Variants in AP4E1 observed in about 807,000 individuals in gnomAD.
AP4E1 encodes adaptor related protein complex 4 subunit epsilon 1.
AP4E1 carries 56 observed loss-of-function variants against 128.2 expected under a neutral mutation model. The observed-to-expected ratio is 0.44, with a 90% CI of 0.35 to 0.55. The LOEUF (loss-of-function observed/expected upper bound fraction) is 0.55. Among genes scored for constraint, AP4E1 ranks in the 20% least tolerant of loss-of-function variants. AP4E1 has a pLI of 0.00. For synonymous variants in AP4E1, 484 were observed against 473.1 expected, an observed-to-expected ratio of 1.02 and a Z score of -0.30; for missense variants, 1,324 against 1,307.7, an observed-to-expected ratio of 1.01 and a Z score of -0.19.
At chr15:50,958,912 A>G in intron 14 of AP4E1, 118 bp downstream of exon 14, 4 of 1,105,818 alleles carry the variant, frequency 3.6e-6, no homozygotes, top group Non-Finnish European at 5.5e-6. Flanking sequence ...TTTAAGGTGA[A>G]TGTTGGAGTT....
At chr15:50,928,096 TATC>T (rs1374558864) in intron 5 of AP4E1, among the ~76,000 whole-genome samples, 1 of 152,182 alleles carries the variant, frequency 6.6e-6, no homozygotes, top group African/African-American at 2.4e-5. Context: ...TTCTCTTTAT[TATC>T]ATGAGGTTTT....
rs1298298759 is a variant in AP4E1 at position 51,004,492 on chromosome 15, C to T, written c.*1830C>T. ...GGACAGCTACCAGGGAGATCTGTTGCTTGGTTACAGGGTGTATTCATGAGT... is the reference window on the plus strand; with the variant it reads ...GGACAGCTACCAGGGAGATCTGTTGTTTGGTTACAGGGTGTATTCATGAGT... On this transcript the variant is annotated 3_prime_UTR_variant, in exon 21 of 21. Coordinates refer to ENST00000261842, the MANE Select transcript of AP4E1 (RefSeq NM_007347.5). The T allele has an allele frequency of 1.3e-5, 2 of 152,274 alleles. No homozygotes were observed. Among genetic ancestry groups the T allele is most frequent in the Non-Finnish European group, 2.9e-5 (2 of 68,048 alleles). The allele number at this position is 152,274 out of a possible 1,614,324, so 9.4% of individuals were successfully genotyped here.
chr15:50,915,023 G>T (rs1003029845), intron 2 of AP4E1, among the ~76,000 whole-genome samples: 2 of 152,108 alleles, frequency 1.3e-5, no homozygotes, highest in Non-Finnish European at 2.9e-5. Context: ...TTTGTTACAG[G>T]AATTATTACC....
At chr15:50,945,763 A>G (rs902811912) in intron 10 of AP4E1, 1 of 764,930 alleles carries the variant, frequency 1.3e-6, no homozygotes, top group Non-Finnish European at 2.4e-6. Context: ...ATCATGAGAA[A>G]AAGCAGCTAA....
At chr15:50,981,263 C>T (rs1359422442) in intron 15 of AP4E1, among the ~76,000 whole-genome samples, 3 of 152,162 alleles carry the variant, frequency 2.0e-5, no homozygotes, top group East Asian at 3.9e-4. Context: ...ACTCCTGCCC[C>T]AGTGTTCCCA....
Position 50,997,429 on chromosome 15 carries a change from C to T in AP4E1, c.2450C>T (p.Ser817Phe), listed in dbSNP as rs376025300. 38 of 1,613,418 alleles carry T rather than the reference C, an allele frequency of 2.4e-5. No homozygotes were observed. In the African/African-American group the frequency reaches 4.0e-4, roughly 17 times the overall value. ...AGTACTCATAATATGACCTGTTCTT[C>T]CTTTAGTTCTTTGTCAAATGTGGCA... ...TTSTHNMTCS[S>F]FSSLSNVAYE... Residue 817 changes from serine (S) to phenylalanine (F), a missense_variant, in exon 18 of 21, where the codon TCC (serine) becomes TTC (phenylalanine). Ser to Phe is a radical substitution (Grantham distance 155, BLOSUM62 -2). Coordinates refer to ENST00000261842, the MANE Select transcript of AP4E1 (RefSeq NM_007347.5).
At chr15:50,948,337 G>T (rs1279968602) in intron 11 of AP4E1, among the ~76,000 whole-genome samples, 178 bp downstream of exon 11, 3 of 116,914 alleles carry the variant, frequency 2.6e-5, no homozygotes, top group Non-Finnish European at 3.7e-5. Flanking sequence ...CTTAGGAGAT[G>T]GCTTTTTTTT....
At chr15:50,983,089 C>T (rs1238456012) in intron 15 of AP4E1, among the ~76,000 whole-genome samples, 1 of 152,160 alleles carries the variant, frequency 6.6e-6, no homozygotes, top group African/African-American at 2.4e-5. Flanking sequence ...GGACCTCATA[C>T]AAGATAGACG....
At position 50,997,851 on chromosome 15, in the gene AP4E1, G is replaced by T. The variant is rs2064901180; in HGVS notation, c.2872G>T (p.Asp958Tyr). The T allele has an allele frequency of 6.3e-7, 1 of 1,598,284 alleles. No individual in the cohort carries two copies. The highest frequency in any genetic ancestry group is 1.1e-5 in the South Asian group (1 of 89,738). ...NKSGLELKSA[D>Y]LEIFPAENFK... The stretch of plus-strand genomic sequence containing the variant: ...GAGTGGTTTGGAATTGAAAAGTGCT[G>T]ACTTAGAAATTTTTCCTGCAGAAAA... The change falls in exon 18 of 21, where the codon GAC (aspartate) becomes TAC (tyrosine). Residue 958 changes from aspartate (D) to tyrosine (Y), a missense_variant. Coordinates refer to ENST00000261842, the MANE Select transcript of AP4E1 (RefSeq NM_007347.5).
chr15:50,935,561 A>T (rs1457726021), intron 8 of AP4E1, among the ~76,000 whole-genome samples: 6 of 152,172 alleles, frequency 3.9e-5, no homozygotes, highest in African/African-American at 1.2e-4. Context: ...TAAAAGGTAG[A>T]ACAGTTTGAA....
intron 15 of AP4E1, 51 bp downstream of exon 15, chr15:50,968,428 G>C (rs768689720): frequency 2.7e-5 from 34 of 1,242,490 alleles, no homozygotes; most frequent in Non-Finnish European, 3.9e-5. Context: ...TGTAATTTTT[G>C]ATATTATAGT....
chr15:50,995,980 CTTTTTTTTTTTT>C (rs1199189475), intron 17 of AP4E1, among the ~76,000 whole-genome samples: 160 of 91,806 alleles, frequency 1.7e-3, no homozygotes, highest in Non-Finnish European at 2.2e-3. Flanking sequence ...TAATATACAT[CTTTTTTTTTTTT>C]TTTTTTTTTT....
intron 8 of AP4E1, among the ~76,000 whole-genome samples, chr15:50,936,933 C>CT: frequency 6.6e-6 from 1 of 150,426 alleles, no homozygotes; most frequent in South Asian, 2.1e-4. Context: ...TAGCAAGACT[C>CT]TGTCTCAAAA....
upstream of AP4E1, among the ~76,000 whole-genome samples, chr15:50,908,355 C>G (rs974352878): frequency 2.0e-5 from 3 of 152,188 alleles, no homozygotes; most frequent in South Asian, 4.1e-4. Context: ...GGCGCGGGGA[C>G]GTCCCGAAAA....
chr15:50,935,177 T>G (rs1399282865), intron 8 of AP4E1, among the ~76,000 whole-genome samples: 1 of 152,082 alleles, frequency 6.6e-6, no homozygotes, highest in Non-Finnish European at 1.5e-5. Flanking sequence ...TGGACAGGGA[T>G]AGGTGTTGTT....
At chr15:50,992,780 A>G (rs537705166) in intron 16 of AP4E1, among the ~76,000 whole-genome samples, 2 of 152,342 alleles carry the variant, frequency 1.3e-5, no homozygotes, top group South Asian at 2.1e-4. Flanking sequence ...AAATGTTGCT[A>G]TGTGCATAGT....
chr15:50,983,934 C>G (rs1029575180), intron 15 of AP4E1, 88 bp from the exon 16 acceptor site: 1 of 1,386,602 alleles, frequency 7.2e-7, no homozygotes, highest in East Asian at 2.3e-5. Context: ...TAGTTCCAGG[C>G]TTGAATTATT....
chr15:50,983,959 T>C, intron 15 of AP4E1, 63 bp from the exon 16 acceptor site: 1 of 1,554,294 alleles, frequency 6.4e-7, no homozygotes, highest in Non-Finnish European at 8.8e-7. Flanking sequence ...TAGTGAATGG[T>C]AACTTTGACA....
intron 3 of AP4E1, among the ~76,000 whole-genome samples, chr15:50,920,313 C>G (rs1029353965): frequency 2.0e-5 from 3 of 151,330 alleles, no homozygotes; most frequent in African/African-American, 7.3e-5. Context: ...CGGGGTTTCA[C>G]TGTGTTAGCC....
Sources: gnomAD v4.1 joint callset for allele counts (sites outside exome capture counted in the v4.1 genomes callset) on GRCh38, gnomAD v4.1.1 for gene constraint, MANE v1.5 for transcripts, NCBI Gene and HGNC (gene_info 2026-07-23, HGNC 2026-07-21) for gene names.